Variants in PITPNM3 observed in about 807,000 individuals in gnomAD.
PITPNM3 encodes membrane-associated phosphatidylinositol transfer protein 3.
Under a neutral mutation model 102.0 loss-of-function variants are expected in PITPNM3, and 26 were observed. The ratio of observed to expected loss-of-function variants is 0.25; its 90% CI spans 0.19 to 0.35. The LOEUF (loss-of-function observed/expected upper bound fraction) is 0.35. Among genes scored for constraint, PITPNM3 ranks in the 10% least tolerant of loss-of-function variants. PITPNM3 has a pLI of 1.00. For synonymous variants in PITPNM3, 578 were observed against 558.6 expected, an observed-to-expected ratio of 1.03 and a Z score of -0.49; for missense variants, 1,083 against 1,346.1, an observed-to-expected ratio of 0.80 and a Z score of 3.06.
intron 4 of PITPNM3, among the ~76,000 whole-genome samples, chr17:6,502,755 T>C (rs1306812057): frequency 6.6e-6 from 1 of 152,142 alleles, no homozygotes; most frequent in Non-Finnish European, 1.5e-5. Context: ...CAGCCACATA[T>C]GGAAGTCAAT....
Position 6,457,529 on chromosome 17 carries a change from A to G in PITPNM3, c.2619+65T>C. On this transcript the variant is annotated intron_variant, in intron 19 of 19. Coordinates refer to ENST00000262483, the MANE Select transcript of PITPNM3 (RefSeq NM_031220.4). The surrounding 1 kb of genome is among the most constrained non-coding windows in gnomAD (Gnocchi z 4.7). The stretch of plus-strand genomic sequence containing the variant: ...GAATGAATGAATGAATGAAGTGCTT[A>G]CTCCCTCTATCCCTTTCCCTGACCT... 3.2e-6 allele frequency: 5 copies of G among 1,544,076 alleles called. No individual in the cohort carries two copies. Among genetic ancestry groups the G allele is most frequent in the Non-Finnish European group, 3.6e-6 (4 of 1,120,510 alleles).
chr17:6,455,082 T>C lies in PITPNM3; in HGVS notation c.*256A>G. The C allele has an allele frequency of 7.5e-6, 4 of 532,958 alleles. No homozygotes were observed. The highest frequency in any genetic ancestry group is 1.3e-5 in the Non-Finnish European group (4 of 308,710). 33.0% of individuals were successfully genotyped at this position (532,958 alleles called of 1,614,324 possible). A position where few individuals can be genotyped will look rare whatever the true frequency, so the allele number is the denominator to read the frequency against. ...CCCAGGATGACACAAACATGAACCC[T>C]GACTTGGGCTTGCGGTCGCAGGCCC... On this transcript the variant is annotated 3_prime_UTR_variant, in exon 20 of 20. Transcript: ENST00000262483.
chr17:6,475,034 CTGGCTTTGTGT>C (rs1189989100), intron 9 of PITPNM3, among the ~76,000 whole-genome samples: 1 of 152,202 alleles, frequency 6.6e-6, no homozygotes, highest in Non-Finnish European at 1.5e-5. Flanking sequence ...CCTCGTCATG[CTGGCTTTGTGT>C]TGGCCACACT....
chr17:6,544,312 C>A (rs1909890839), intron 1 of PITPNM3, among the ~76,000 whole-genome samples: 2 of 152,128 alleles, frequency 1.3e-5, no homozygotes, highest in African/African-American at 4.8e-5. Context: ...ATTGCTTGAG[C>A]CCAGGAGTTT....
chr17:6,456,518 A>G (rs776565454), intron 19 of PITPNM3, among the ~76,000 whole-genome samples: 1 of 151,802 alleles, frequency 6.6e-6, no homozygotes, highest in Non-Finnish European at 1.5e-5. Context: ...CATCAACACC[A>G]CCTGGCACCT....
At chr17:6,514,608 T>C (rs1047752857) in intron 3 of PITPNM3, among the ~76,000 whole-genome samples, 2 of 152,174 alleles carry the variant, frequency 1.3e-5, no homozygotes, top group Admixed American at 6.5e-5. Context: ...CAGTAACAAG[T>C]GTTGGCAAGG....
intron 4 of PITPNM3, among the ~76,000 whole-genome samples, chr17:6,503,212 C>G (rs1169340256): frequency 1.3e-5 from 2 of 152,216 alleles, no homozygotes; most frequent in East Asian, 1.9e-4. Flanking sequence ...AGCTGCTCTG[C>G]TGAGCTCACA....
chr17:6,477,831 C>CA, intron 8 of PITPNM3, 144 bp downstream of exon 8: 2 of 1,419,682 alleles, frequency 1.4e-6, no homozygotes, highest in Non-Finnish European at 1.9e-6. Context: ...CAGGCATGAG[C>CA]CACTGCGCCC....
chr17:6,470,283 C>G lies in PITPNM3; in HGVS notation c.1750G>C (p.Val584Leu). ...FHASYWESTD[V>L]VAFILRQVMR... ...ACCTGTCTCAGGATGAAGGCCACCACGTCTGTGGACTCCCAGTAACTGGCG... is the reference window on the plus strand; with the variant it reads ...ACCTGTCTCAGGATGAAGGCCACCAGGTCTGTGGACTCCCAGTAACTGGCG... The change falls in exon 13 of 20, where the codon GTG (valine) becomes CTG (leucine). Residue 584 changes from valine (V) to leucine (L), a missense_variant. Val to Leu is a conservative substitution (Grantham distance 32). Transcript: ENST00000262483. The surrounding 1 kb of genome is among the most constrained non-coding windows in gnomAD (Gnocchi z 4.8). 1 of 1,611,672 alleles carries G rather than the reference C, an allele frequency of 6.2e-7. No individual in the cohort carries two copies. Among genetic ancestry groups the G allele is most frequent in the Non-Finnish European group, 8.5e-7 (1 of 1,179,020 alleles).
At chr17:6,481,849 ATGATAGAGAGAGAG>A (rs1428287384) in intron 6 of PITPNM3, 33 of 99,186 alleles carry the variant, frequency 3.3e-4, no homozygotes, top group African/African-American at 1.2e-3. Context: ...ACAGAATAGA[ATGATAGAGAGAGAG>A]AGAGAGAGAG....
chr17:6,505,604 G>A (rs931700295), intron 3 of PITPNM3, among the ~76,000 whole-genome samples: 9 of 152,236 alleles, frequency 5.9e-5, no homozygotes, highest in African/African-American at 1.9e-4. Context: ...GTCAGGGAGC[G>A]AAGACCAGCA....
chr17:6,555,517 T>C (rs944703256), intron 1 of PITPNM3, among the ~76,000 whole-genome samples: 1 of 152,054 alleles, frequency 6.6e-6, no homozygotes, highest in African/African-American at 2.4e-5. Context: ...CCGCCTACTG[T>C]ATGGCCGGCC....
intron 3 of PITPNM3, among the ~76,000 whole-genome samples, chr17:6,519,519 A>AG (rs1908388270): frequency 6.8e-6 from 1 of 147,030 alleles, no homozygotes. Flanking sequence ...ACTCCGTCTC[A>AG]GAAAAAAAAA....
rs199779932 is a variant in PITPNM3, at chr17:6,463,732, C to T, written c.2306G>A (p.Arg769Gln). 11 of 1,611,012 alleles carry T rather than the reference C, an allele frequency of 6.8e-6. No homozygotes were observed. The highest frequency in any genetic ancestry group is 1.3e-5 in the African/African-American group (1 of 74,948). Reference sequence around the variant, plus strand: ...AGCCCTCGTGGAAGGTGGCACTCACCGGACAACATCCACTGCACCCGGCCG... The same window carrying T: ...AGCCCTCGTGGAAGGTGGCACTCACTGGACAACATCCACTGCACCCGGCCG... ...KVRPGAVDVV[R>Q]HWQDLGYMIL... The change falls in exon 17 of 20, where the codon CGG (arginine) becomes CAG (glutamine). Residue 769 changes from arginine to glutamine, a missense_variant and splice_region_variant. Arg to Gln is a conservative substitution (Grantham distance 43). Around this residue, in one of 5 missense-constraint regions of PITPNM3, gnomAD observed 410 missense variants for 638.4 expected, o/e 0.64. Coordinates refer to ENST00000262483, the MANE Select transcript of PITPNM3 (RefSeq NM_031220.4).
At position 6,452,361 on chromosome 17, in the gene PITPNM3, A is replaced by T. The variant is rs1913884672; in HGVS notation, c.*2977T>A. On this transcript the variant is annotated 3_prime_UTR_variant, in exon 20 of 20. Coordinates refer to ENST00000262483, the MANE Select transcript of PITPNM3 (RefSeq NM_031220.4). Reference sequence around the variant, plus strand: ...TGGCAGGCAGGCCCTCGGCTACGACAGCCACCGGATCGGGAAGAACAAACA... The same window carrying T: ...TGGCAGGCAGGCCCTCGGCTACGACTGCCACCGGATCGGGAAGAACAAACA... The T allele has an allele frequency of 6.6e-6, 1 of 152,256 alleles. No individual in the cohort carries two copies. Among genetic ancestry groups the T allele is most frequent in the South Asian group, 2.1e-4 (1 of 4,836 alleles). The allele number at this position is 152,256 out of a possible 1,614,324, so 9.4% of individuals were successfully genotyped here. A position where few individuals can be genotyped will look rare whatever the true frequency, so the allele number is the denominator to read the frequency against.
chr17:6,520,958 G>C (rs1286651993), intron 3 of PITPNM3, among the ~76,000 whole-genome samples: 1 of 152,218 alleles, frequency 6.6e-6, no homozygotes, highest in Non-Finnish European at 1.5e-5. Flanking sequence ...ACAGAAAGTA[G>C]AATGATGTTT....
intron 1 of PITPNM3, among the ~76,000 whole-genome samples, chr17:6,554,864 T>C (rs1165011145): frequency 6.6e-6 from 1 of 152,142 alleles, no homozygotes; most frequent in Non-Finnish European, 1.5e-5. Flanking sequence ...CACGGTACAG[T>C]AAAGAGCTTA....
intron 3 of PITPNM3, among the ~76,000 whole-genome samples, chr17:6,520,269 A>G (rs900274413): frequency 2.6e-5 from 4 of 152,206 alleles, no homozygotes; most frequent in African/African-American, 9.6e-5. Flanking sequence ...GCAAATATAA[A>G]TTTGCACTGT....
intron 3 of PITPNM3, among the ~76,000 whole-genome samples, chr17:6,507,853 C>T (rs1435656859): frequency 6.6e-6 from 1 of 152,150 alleles, no homozygotes; most frequent in South Asian, 2.1e-4. Flanking sequence ...TTTATGAGTT[C>T]TCCAGACCAT....
Sources: gnomAD v4.1 joint callset for allele counts (sites outside exome capture counted in the v4.1 genomes callset) on GRCh38, gnomAD v4.1.1 for gene constraint, gnomAD v4.1.1 regional missense constraint, Gnocchi (gnomAD v3.1) non-coding constraint, MANE v1.5 for transcripts, NCBI Gene and HGNC (gene_info 2026-07-23, HGNC 2026-07-21) for gene names.